Variants in IFIT2 observed in about 807,000 individuals in gnomAD.
The protein encoded by IFIT2 is interferon-induced protein with tetratricopeptide repeats 2.
Under a neutral mutation model 2.5 loss-of-function variants are expected in IFIT2, and 3 were observed. The ratio of observed to expected loss-of-function variants is 1.21; its 90% confidence interval spans 0.55 to 3.14. The LOEUF (loss-of-function observed/expected upper bound fraction) is 3.14, where lower values mean the gene tolerates loss of function less well. Ranked by LOEUF, IFIT2 falls within the 30% of genes most tolerant of loss-of-function variation. The probability of loss-of-function intolerance (pLI) is 0.03; values close to 1 mark genes in which losing one functional copy is unlikely to be tolerated. For missense variants in IFIT2, 493 were observed against 558.9 expected (o/e 0.88, Z 1.19); for synonymous variants, 212 against 200.7 (o/e 1.06, Z -0.48).
rs777976445 is a variant in IFIT2, at chr10:89,305,996, C to A, written c.40C>A (p.Arg14=). The A allele has an allele frequency of 1.9e-6, 3 of 1,613,378 alleles. No individual in the cohort carries two copies. The highest frequency in any genetic ancestry group is 2.5e-6 in the Non-Finnish European group (3 of 1,179,486). The part of the protein sequence containing the change: ...NNKNSLESSL[R]QLKCHFTWNL... ...TAAGAATTCCTTGGAGAGCAGCCTA[C>A]GGCAACTAAAATGCCATTTCACCTG... Residue 14 remains arginine (R), a synonymous_variant, in exon 2 of 2, where the codon CGG becomes AGG. Transcript: ENST00000371826.
At chr10:89,305,726 C>T (rs897975320) in intron 1 of IFIT2, among the ~76,000 whole-genome samples, 1 of 152,126 alleles carries the variant, frequency 6.6e-6, no homozygotes, top group African/African-American at 2.4e-5. Flanking sequence ...GCCACAGACT[C>T]AGAGAACAAC....
rs754645055 is a variant in IFIT2, at chr10:89,306,610, G to A, written c.654G>A (p.Lys218=). Residue 218 remains lysine (K), a synonymous_variant, in exon 2 of 2, where the codon AAG becomes AAA. Transcript: ENST00000371826. ...NQYLKVLLAL[K]LHKMREEGEE... is the part of the protein sequence containing the mutation. ...ACCTTAAAGTCCTCCTGGCTCTGAA[G>A]CTTCATAAGATGCGTGAAGAAGGTG... 1 of 1,614,096 alleles carries A rather than the reference G, an allele frequency of 6.2e-7. No individual in the cohort carries two copies. The highest frequency in any genetic ancestry group is 8.5e-7 in the Non-Finnish European group (1 of 1,179,964).
rs770732258 is a variant in IFIT2, at chr10:89,306,774, C to A, written c.818C>A (p.Ala273Asp). The change falls in exon 2 of 2, where the codon GCT becomes GAT. Residue 273 changes from alanine to aspartate, a missense_variant. Coordinates refer to ENST00000371826, the MANE Select transcript of IFIT2 (RefSeq NM_001547.5). ...AAAGCGATTGAACTGCTTAAAAAGG[C>A]TTTAGAATACATACCAAACAATGCC... The part of the protein sequence containing the change: ...PDKAIELLKK[A>D]LEYIPNNAYL... 4 of 1,614,098 alleles carry A rather than the reference C, an allele frequency of 2.5e-6. No individual in the cohort carries two copies. The highest frequency in any genetic ancestry group is 3.4e-6 in the Non-Finnish European group (4 of 1,179,964).
rs373422979 is a variant in IFIT2 at position 89,306,096 on chromosome 10, G to T, written c.140G>T (p.Arg47Leu). The T allele has an allele frequency of 1.2e-6, 2 of 1,614,096 alleles. No individual in the cohort carries two copies. The highest frequency in any genetic ancestry group is 2.2e-5 in the South Asian group (2 of 91,086). ...TTTTACCGGACTGAGTTTCAGAATC[G>T]TGAATTCAAAGCCACAATGTGCAAC... Reference protein sequence around the residue: ...KVFYRTEFQNREFKATMCNLL... With the variant: ...KVFYRTEFQNLEFKATMCNLL... The change falls in exon 2 of 2, where the codon CGT becomes CTT. Residue 47 changes from arginine to leucine, a missense_variant. Coordinates refer to ENST00000371826, the MANE Select transcript of IFIT2 (RefSeq NM_001547.5).
chr10:89,304,861 T>TC (rs1344319280), intron 1 of IFIT2, among the ~76,000 whole-genome samples: 1 of 151,660 alleles, frequency 6.6e-6, no homozygotes, highest in Non-Finnish European at 1.5e-5. Flanking sequence ...TCCAGGAGAG[T>TC]CATAAGGGTA....
chr10:89,307,582 G>T lies in IFIT2; in HGVS notation c.*207G>T, dbSNP rs1171499634. On this transcript the variant is annotated 3_prime_UTR_variant, in exon 2 of 2. Transcript: ENST00000371826. ...TTCTGGGAGAGGGACCAGATTGGGGGGTAGGTCCACGGGCTTGGTGATAGA... is the reference window on the plus strand; with the variant it reads ...TTCTGGGAGAGGGACCAGATTGGGGTGTAGGTCCACGGGCTTGGTGATAGA... The T allele has an allele frequency of 1.0e-5, 5 of 491,918 alleles. No homozygotes were observed. The East Asian group carries it at 1.6e-4, about 15-fold the overall frequency. 30.5% of individuals were successfully genotyped at this position (491,918 alleles called of 1,614,324 possible).
In IFIT2 at chr10:89,308,903, C is replaced by A. The variant is rs139223496; in HGVS notation, c.*1528C>A. 5.9e-5 allele frequency: 9 copies of A among 152,174 alleles called. No homozygotes were observed. In the South Asian group the frequency reaches 1.0e-3, roughly 18 times the overall value. The allele number at this position is 152,174 out of a possible 1,614,324, so 9.4% of individuals were successfully genotyped here. A position where few individuals can be genotyped will look rare whatever the true frequency, so the allele number is the denominator to read the frequency against. On this transcript the variant is annotated 3_prime_UTR_variant, in exon 2 of 2. Coordinates refer to ENST00000371826, the MANE Select transcript of IFIT2 (RefSeq NM_001547.5). ...GTCATATATTTTCATTAATAAATAA[C>A]CTAAATATGATAAAACATAAAGCAG...
In IFIT2 at chr10:89,306,370, T is replaced by C. The variant is rs1342104555; in HGVS notation, c.414T>C (p.Leu138=). 4.3e-6 allele frequency: 7 copies of C among 1,613,998 alleles called. No individual in the cohort carries two copies. Among genetic ancestry groups the C allele is most frequent in the Non-Finnish European group, 5.1e-6 (6 of 1,180,012 alleles). The part of the protein sequence containing the change: ...SSPYRIESPE[L]DCEEGWTRLK... Reference sequence around the variant, plus strand: ...CCTATAGAATTGAGAGTCCAGAGCTTGACTGTGAGGAAGGGTGGACACGGT... The same window carrying C: ...CCTATAGAATTGAGAGTCCAGAGCTCGACTGTGAGGAAGGGTGGACACGGT... Residue 138 remains leucine, a synonymous_variant, in exon 2 of 2, where the codon CTT becomes CTC. Transcript: ENST00000371826.
Position 89,307,165 on chromosome 10 carries a change from G to C in IFIT2, c.1209G>C (p.Gln403His), listed in dbSNP as rs746957753. The change falls in exon 2 of 2, where the codon CAG becomes CAC. Residue 403 changes from glutamine to histidine, a missense_variant. Coordinates refer to ENST00000371826, the MANE Select transcript of IFIT2 (RefSeq NM_001547.5). ...HHFIEGVKINQKSREKEKMKD... is the reference protein window; with the variant it reads ...HHFIEGVKINHKSREKEKMKD... ...TTATAGAGGGTGTAAAAATAAACCAGAAATCAAGGGAGAAAGAAAAGATGA... is the reference window on the plus strand; with the variant it reads ...TTATAGAGGGTGTAAAAATAAACCACAAATCAAGGGAGAAAGAAAAGATGA... 1 of 1,613,892 alleles carries C rather than the reference G, an allele frequency of 6.2e-7. No individual in the cohort carries two copies. The highest frequency in any genetic ancestry group is 1.3e-5 in the African/African-American group (1 of 74,974).
Position 89,306,811 on chromosome 10 carries a change from C to A in IFIT2, c.855C>A (p.Cys285Ter). ...TACCAAACAATGCCTACCTGCATTG[C>A]CAAATTGGGTGCTGCTATAGGGCAA... The part of the protein sequence containing the change: ...EYIPNNAYLH[C>*]QIGCCYRAKV... The change falls in exon 2 of 2, where the codon TGC becomes TGA. Residue 285 changes from cysteine to a stop codon, truncating the protein, a stop_gained. Coordinates refer to ENST00000371826, the MANE Select transcript of IFIT2 (RefSeq NM_001547.5). LOFTEE classifies it low-confidence loss of function (END_TRUNC). 1 of 1,613,974 alleles carries A rather than the reference C, an allele frequency of 6.2e-7. No individual in the cohort carries two copies.
At chr10:89,302,159 C>T in intron 1 of IFIT2, 31 bp downstream of exon 1, 1 of 1,612,058 alleles carries the variant, frequency 6.2e-7, no homozygotes, top group African/African-American at 1.3e-5. Flanking sequence ...TTCGGTAGTG[C>T]TGTTGAGTCA....
In IFIT2 at chr10:89,307,645, T is replaced by A. The variant is rs1277584409; in HGVS notation, c.*270T>A. The A allele has an allele frequency of 3.0e-6, 1 of 332,904 alleles. No homozygotes were observed. Among genetic ancestry groups the A allele is most frequent in the Non-Finnish European group, 5.6e-6 (1 of 179,992 alleles). The allele number at this position is 332,904 out of a possible 1,614,324, so 20.6% of individuals were successfully genotyped here. The stretch of plus-strand genomic sequence containing the variant: ...TTGACTTCTTGAGTGCAATTTGAAC[T>A]GTAACATTTGCTTAGTCACCTTTAG... On this transcript the variant is annotated 3_prime_UTR_variant, in exon 2 of 2. Transcript: ENST00000371826.
At position 89,306,032 on chromosome 10, in the gene IFIT2, G is replaced by A. The variant is rs942298389; in HGVS notation, c.76G>A (p.Glu26Lys). 1 of 1,613,974 alleles carries A rather than the reference G, an allele frequency of 6.2e-7. No homozygotes were observed. Among genetic ancestry groups the A allele is most frequent in the African/African-American group, 1.3e-5 (1 of 74,926 alleles). ...ATGCCATTTCACCTGGAACTTGATGGAGGGAGAAAACTCCTTGGATGATTT... is the reference window on the plus strand; with the variant it reads ...ATGCCATTTCACCTGGAACTTGATGAAGGGAGAAAACTCCTTGGATGATTT... ...LKCHFTWNLM[E>K]GENSLDDFED... Residue 26 changes from glutamate to lysine, a missense_variant, in exon 2 of 2, where the codon GAG becomes AAG. Coordinates refer to ENST00000371826, the MANE Select transcript of IFIT2 (RefSeq NM_001547.5).
intron 1 of IFIT2, among the ~76,000 whole-genome samples, chr10:89,304,440 G>A (rs1431451148): frequency 6.6e-6 from 1 of 151,966 alleles, no homozygotes; most frequent in Non-Finnish European, 1.5e-5. Context: ...GAGAGAGAGG[G>A]GCAGTTAGAA....
At chr10:89,302,218 C>G in intron 1 of IFIT2, 90 bp downstream of exon 1, 4 of 1,385,530 alleles carry the variant, frequency 2.9e-6, no homozygotes, top group Non-Finnish European at 3.1e-6. Flanking sequence ...AGAGGGCCAG[C>G]TCCATTTTAG....
chr10:89,306,578 A>G lies in IFIT2; in HGVS notation c.622A>G (p.Asn208Asp), dbSNP rs1843481252. The G allele has an allele frequency of 6.2e-7, 1 of 1,614,000 alleles. No individual in the cohort carries two copies. Among genetic ancestry groups the G allele is most frequent in the South Asian group, 1.1e-5 (1 of 91,090 alleles). ...LRQAIRLNPDNQYLKVLLALK... is the reference protein window; with the variant it reads ...LRQAIRLNPDDQYLKVLLALK... ...GCAAGCCATTCGGCTGAATCCTGAC[A>G]ACCAGTACCTTAAAGTCCTCCTGGC... Residue 208 changes from asparagine to aspartate, a missense_variant, in exon 2 of 2, where the codon AAC becomes GAC. By Grantham distance (23) the Asn-to-Asp change is conservative (BLOSUM62 1). Transcript: ENST00000371826.
Position 89,306,104 on chromosome 10 carries a change from A to C in IFIT2, c.148A>C (p.Lys50Gln). Residue 50 changes from lysine (K) to glutamine (Q), a missense_variant, in exon 2 of 2, where the codon AAA becomes CAA. Lys to Gln is a moderately conservative substitution (Grantham distance 53). Transcript: ENST00000371826. ...GACTGAGTTTCAGAATCGTGAATTCAAAGCCACAATGTGCAACCTACTGGC... is the reference window on the plus strand; with the variant it reads ...GACTGAGTTTCAGAATCGTGAATTCCAAGCCACAATGTGCAACCTACTGGC... ...YRTEFQNREF[K>Q]ATMCNLLAYL... 1 of 1,614,168 alleles carries C rather than the reference A, an allele frequency of 6.2e-7. No homozygotes were observed. Among genetic ancestry groups the C allele is most frequent in the Non-Finnish European group, 8.5e-7 (1 of 1,180,004 alleles).
At chr10:89,305,107 G>GA (rs200621083) in intron 1 of IFIT2, among the ~76,000 whole-genome samples, 3 of 150,726 alleles carry the variant, frequency 2.0e-5, no homozygotes, top group African/African-American at 4.9e-5. Flanking sequence ...GGGAGGGGAG[G>GA]AAAAAAAATT....
In IFIT2 at chr10:89,306,506, C is replaced by T. The variant is rs200967480; in HGVS notation, c.550C>T (p.Arg184Cys). ...CTCTGGACTGGCAATAGCAAGCTAC[C>T]GTCTGGACAACTGGCCACCATCTCA... is the stretch of plus-strand genomic sequence containing the variant. ...FTSGLAIASY[R>C]LDNWPPSQNA... The change falls in exon 2 of 2, where the codon CGT becomes TGT. Residue 184 changes from arginine (R) to cysteine (C), a missense_variant. Arg to Cys is a radical substitution (Grantham distance 180). Transcript: ENST00000371826. 5.6e-6 allele frequency: 9 copies of T among 1,613,918 alleles called. No individual in the cohort carries two copies. Among genetic ancestry groups the T allele is most frequent in the African/African-American group, 2.7e-5 (2 of 74,898 alleles).
Sources: allele counts gnomAD v4.1 joint callset (sites outside exome capture counted in the v4.1 genomes callset), GRCh38; gene constraint gnomAD v4.1.1; transcripts MANE v1.5; gene names NCBI Gene and HGNC (gene_info 2026-07-23, HGNC 2026-07-21).